The following TOP1MT variants were observed in gnomAD, a reference collection of about 807,000 sequenced individuals.
The protein encoded by TOP1MT is DNA topoisomerase I mitochondrial, also known as DNA topoisomerase I, mitochondrial.
In TOP1MT, 80 loss-of-function variants were observed where a neutral mutation model predicts 73.9. The ratio of observed to expected loss-of-function variants is 1.08; its 90% confidence interval spans 0.90 to 1.30. The LOEUF (loss-of-function observed/expected upper bound fraction) is 1.30. Ranked by LOEUF, TOP1MT falls within the 50% of genes most tolerant of loss-of-function variation. TOP1MT has a pLI of 0.00. For synonymous variants in TOP1MT, 338 were observed against 326.4 expected, an observed-to-expected ratio of 1.04 and a Z score of -0.38; for missense variants, 815 against 808.0, an observed-to-expected ratio of 1.01 and a Z score of -0.10.
At chr8:143,335,093 C>T (rs1293141359), upstream of TOP1MT, among the ~76,000 whole-genome samples, 1 of 152,226 alleles carries the variant, frequency 6.6e-6, no homozygotes. Context: ...TCACGCTGGG[C>T]GGGGACCCAG....
intron 2 of TOP1MT, among the ~76,000 whole-genome samples, chr8:143,329,916 A>G (rs1175195933): frequency 6.8e-6 from 1 of 147,774 alleles, no homozygotes; most frequent in Non-Finnish European, 1.5e-5. Flanking sequence ...CCTGCATTTT[A>G]TTCTAAGATC....
chr8:143,344,892 G>C lies in TOP1MT; in HGVS notation c.-39+24C>G, dbSNP rs80063064. Reference sequence around the variant, plus strand: ...CAGGCAGGAGACAGAATGGATGGGCGTCAAGGGAGGAGCCACCCAGCACCT... The same window carrying C: ...CAGGCAGGAGACAGAATGGATGGGCCTCAAGGGAGGAGCCACCCAGCACCT... On this transcript the variant is annotated intron_variant, in intron 1 of 5. Coordinates refer to the TOP1MT transcript ENST00000518007. The surrounding 1 kb of genome is among the most constrained non-coding windows in gnomAD (Gnocchi z 4.6). 1 of 152,484 alleles carries C rather than the reference G, an allele frequency of 6.6e-6. No homozygotes were observed. Among genetic ancestry groups the C allele is most frequent in the African/African-American group, 2.4e-5 (1 of 41,446 alleles). 9.4% of individuals were successfully genotyped at this position (152,484 alleles called of 1,614,324 possible). A position where few individuals can be genotyped will look rare whatever the true frequency, so the allele number is the denominator to read the frequency against.
intron 1 of TOP1MT, among the ~76,000 whole-genome samples, chr8:143,353,751 G>A (rs1817358077): frequency 6.6e-6 from 1 of 151,922 alleles, no homozygotes; most frequent in African/African-American, 2.4e-5. Flanking sequence ...ATCACTTGAG[G>A]TCAGGAGTTT....
upstream of TOP1MT, chr8:143,359,253 C>A: frequency 3.0e-6 from 3 of 984,798 alleles, no homozygotes; most frequent in Non-Finnish European, 3.6e-6. Context: ...GAAAAAAAAA[C>A]AGCTGCAAAC....
chr8:143,324,249 T>C, intron 6 of TOP1MT, 107 bp from the exon 7 acceptor site: 5 of 1,495,190 alleles, frequency 3.3e-6, no homozygotes, highest in South Asian at 1.2e-5. Flanking sequence ...CACTCAGTGG[T>C]GCCGTGGTCA....
upstream of TOP1MT, among the ~76,000 whole-genome samples, chr8:143,345,240 G>C (rs1817200153): frequency 6.6e-6 from 1 of 152,198 alleles, no homozygotes; most frequent in Admixed American, 6.5e-5. Context: ...CCCTCACTGG[G>C]CAGAGCCACG....
intron 10 of TOP1MT, among the ~76,000 whole-genome samples, chr8:143,317,460 G>C (rs901824860): frequency 2.6e-5 from 4 of 152,228 alleles, no homozygotes; most frequent in African/African-American, 9.6e-5. Context: ...AGGCCATGGG[G>C]CCTGAGTAGG....
chr8:143,355,562 T>A (rs997265819), intron 1 of TOP1MT: 7 of 152,180 alleles, frequency 4.6e-5, no homozygotes, highest in Non-Finnish European at 1.0e-4. Flanking sequence ...TTGGTTCTAA[T>A]CTTTGAAAAA....
chr8:143,322,077 C>A, intron 7 of TOP1MT, among the ~76,000 whole-genome samples: 1 of 51,318 alleles, frequency 1.9e-5, no homozygotes, highest in Non-Finnish European at 5.3e-5. Flanking sequence ...ACACGCACGC[C>A]ACACACAGGC....
At chr8:143,322,704 C>CA (rs1292214432) in intron 7 of TOP1MT, among the ~76,000 whole-genome samples, 1 of 10,548 alleles carries the variant, frequency 9.5e-5, no homozygotes, top group Non-Finnish European at 1.5e-4. Context: ...CACACGCACG[C>CA]CACACGCACG....
upstream of TOP1MT, among the ~76,000 whole-genome samples, chr8:143,345,171 C>CCCCGGACACA (rs1305477793): frequency 6.6e-6 from 1 of 152,202 alleles, no homozygotes; most frequent in Non-Finnish European, 1.5e-5. Context: ...AGGTCCCAGT[C>CCCCGGACACA]CCCGGACACA....
At chr8:143,330,953 G>T (rs1328485587) in intron 2 of TOP1MT, among the ~76,000 whole-genome samples, 1 of 150,982 alleles carries the variant, frequency 6.6e-6, no homozygotes, top group Non-Finnish European at 1.5e-5. Context: ...AGGGAGGGGG[G>T]GTCCGCTTTG....
intron 1 of TOP1MT, among the ~76,000 whole-genome samples, chr8:143,352,612 T>C (rs1300197208): frequency 6.6e-6 from 1 of 152,190 alleles, no homozygotes; most frequent in Non-Finnish European, 1.5e-5. Context: ...TGACCCTGAA[T>C]TAGATCATGG....
Position 143,344,459 on chromosome 8 carries a change from CCAG to C in TOP1MT, c.-39+454_-39+456del, listed in dbSNP as rs941375733. The C allele has an allele frequency of 7.2e-5, 11 of 152,538 alleles. No individual in the cohort carries two copies. Among genetic ancestry groups the C allele is most frequent in the African/African-American group, 2.4e-4 (10 of 41,432 alleles). 9.4% of individuals were successfully genotyped at this position (152,538 alleles called of 1,614,324 possible). A position where few individuals can be genotyped will look rare whatever the true frequency, so the allele number is the denominator to read the frequency against. On this transcript the variant is annotated intron_variant, in intron 1 of 5. Coordinates refer to the TOP1MT transcript ENST00000518007. The surrounding 1 kb of genome is among the most constrained non-coding windows in gnomAD (Gnocchi z 4.6). ...GCCCTGAGACACCACCACCCACTGG[CCAG>C]CAGCAGCTGGTCCTCCAGGTCTCCG...
At chr8:143,326,804 G>A (rs906634677) in intron 3 of TOP1MT, among the ~76,000 whole-genome samples, 7 of 152,228 alleles carry the variant, frequency 4.6e-5, no homozygotes, top group African/African-American at 7.2e-5. Flanking sequence ...CGAGGGCAAA[G>A]TCTCAGTCCA....
intron 7 of TOP1MT, among the ~76,000 whole-genome samples, chr8:143,321,652 CACGCCA>C (rs1816382190): frequency 8.5e-6 from 1 of 117,976 alleles, no homozygotes; most frequent in East Asian, 2.6e-4. Context: ...CACACACAGG[CACGCCA>C]CACACACGCA....
chr8:143,311,521 G>C (rs1025954386), intron 12 of TOP1MT, among the ~76,000 whole-genome samples: 25 of 152,200 alleles, frequency 1.6e-4, no homozygotes, highest in African/African-American at 5.6e-4. Flanking sequence ...GCCGAGGCGG[G>C]TGGATCACGA....
chr8:143,354,737 GATAA>G (rs1817379159), intron 1 of TOP1MT, among the ~76,000 whole-genome samples: 1 of 151,658 alleles, frequency 6.6e-6, no homozygotes, highest in South Asian at 2.1e-4. Context: ...AAAAACTTTA[GATAA>G]ATTAAATTTA....
chr8:143,323,724 A>C (rs1469250420), intron 7 of TOP1MT, among the ~76,000 whole-genome samples: 2 of 49,438 alleles, frequency 4.0e-5, no homozygotes, highest in Non-Finnish European at 4.9e-5. Context: ...CATGCACGCC[A>C]CACACACATG....
Sources: allele counts gnomAD v4.1 joint callset (sites outside exome capture counted in the v4.1 genomes callset), GRCh38; gene constraint gnomAD v4.1.1; non-coding constraint Gnocchi (gnomAD v3.1); transcripts MANE v1.5; gene names NCBI Gene and HGNC (gene_info 2026-07-23, HGNC 2026-07-21).